The following PUM1 variants were observed in gnomAD, a reference collection of about 807,000 sequenced individuals.
PUM1 encodes pumilio RNA binding family member 1, also known as pumilio homolog 1.
Under a neutral mutation model 131.8 loss-of-function variants are expected in PUM1, and 13 were observed. The ratio of observed to expected loss-of-function variants is 0.10; its 90% CI spans 0.06 to 0.16. PUM1 has a LOEUF of 0.16. PUM1 is among the 10% of genes least tolerant of loss of function. PUM1 has a pLI of 1.00. For synonymous variants in PUM1, 509 were observed against 556.5 expected (o/e 0.91, Z 1.20); for missense variants, 961 against 1,512.4 (o/e 0.64, Z 6.05).
intron 2 of PUM1, among the ~76,000 whole-genome samples, chr1:31,037,840 G>C (rs1448839054): frequency 2.6e-5 from 4 of 152,016 alleles, no homozygotes; most frequent in African/African-American, 9.7e-5. Flanking sequence ...CACGAGGTCA[G>C]GAGATCATCT....
Position 31,059,531 on chromosome 1 carries a change from C to T in PUM1, c.36G>A (p.Val12=), listed in dbSNP as rs372921575. 1.9e-6 allele frequency: 3 copies of T among 1,613,940 alleles called. No homozygotes were observed. The highest frequency in any genetic ancestry group is 2.5e-6 in the Non-Finnish European group (3 of 1,179,968). ...GGGGGCTGAAAGAGTCCTGCCAAAG[C>T]ACTGCTTTTCTCTTCAAGACACATG... ...SVACVLKRKA[V]LWQDSFSPHL... is the part of the protein sequence containing the mutation. The change falls in exon 2 of 22, where the codon GTG becomes GTA. Residue 12 remains valine (V), a synonymous_variant. Transcript: ENST00000426105.
At chr1:30,966,999 G>C in intron 12 of PUM1, 168 bp downstream of exon 12, 1 of 728,472 alleles carries the variant, frequency 1.4e-6, no homozygotes, top group Non-Finnish European at 2.0e-6. Flanking sequence ...CAACAAAAAG[G>C]AGAATCCACT....
rs1442161105 is a variant in PUM1 at position 30,932,567 on chromosome 1, A to G, written c.*644T>C. The stretch of plus-strand genomic sequence containing the variant: ...TCTTCAGCATAATATAGTCTCCAAA[A>G]AAGGCATTTTTTAGAATTTCATAAA... On this transcript the variant is annotated 3_prime_UTR_variant, in exon 22 of 22. Transcript: ENST00000426105. The G allele has an allele frequency of 6.6e-6, 1 of 151,154 alleles. No individual in the cohort carries two copies. The highest frequency in any genetic ancestry group is 1.5e-5 in the Non-Finnish European group (1 of 67,864). 9.4% of individuals were successfully genotyped at this position (151,154 alleles called of 1,614,324 possible).
intron 2 of PUM1, among the ~76,000 whole-genome samples, chr1:31,049,124 G>GGCC (rs1191384004): frequency 2.0e-5 from 3 of 152,056 alleles, no homozygotes; most frequent in South Asian, 2.1e-4. Flanking sequence ...AGAATCACCT[G>GGCC]AACCTGGGAG....
chr1:31,034,813 C>T (rs777721572), intron 2 of PUM1, among the ~76,000 whole-genome samples: 2 of 152,038 alleles, frequency 1.3e-5, no homozygotes, highest in Non-Finnish European at 2.9e-5. Context: ...TTTTTGCATA[C>T]AGAAACCTAG....
At chr1:31,047,662 G>T (rs1182243646) in intron 2 of PUM1, among the ~76,000 whole-genome samples, 1 of 152,236 alleles carries the variant, frequency 6.6e-6, no homozygotes, top group African/African-American at 2.4e-5. Flanking sequence ...CATCCCACTG[G>T]CTGGGCATGG....
At chr1:30,948,040 G>A (rs1287226445) in intron 17 of PUM1, among the ~76,000 whole-genome samples, 1 of 151,894 alleles carries the variant, frequency 6.6e-6, no homozygotes, top group Non-Finnish European at 1.5e-5. Context: ...TAGAGATGGG[G>A]TTTCACTATG....
intron 5 of PUM1, among the ~76,000 whole-genome samples, chr1:31,000,092 T>C (rs909830863): frequency 6.6e-6 from 1 of 152,212 alleles, no homozygotes; most frequent in African/African-American, 2.4e-5. Context: ...CCTGCAAATG[T>C]TGTGAAAAGC....
chr1:31,015,466 C>T (rs1253364825), intron 3 of PUM1, among the ~76,000 whole-genome samples: 3 of 150,858 alleles, frequency 2.0e-5, no homozygotes, highest in Admixed American at 6.6e-5. Context: ...CTCAGCTTCC[C>T]GAGTAGCTGG....
chr1:30,974,718 G>A lies in PUM1; in HGVS notation c.1439C>T (p.Ala480Val). ...AGCTGAATTAGTTGCTGCAGCGGCA[G>A]CGGCAGCTTGCTGCTGGAAAAGACT... ...PASLFQQQAA[A>V]AAAATNSANQ... Residue 480 changes from alanine to valine, a missense_variant, in exon 10 of 22, where the codon GCT becomes GTT. Ala to Val is a moderately conservative substitution (Grantham distance 64). Transcript: ENST00000426105. 2 of 1,611,800 alleles carry A rather than the reference G, an allele frequency of 1.2e-6. No homozygotes were observed. Among genetic ancestry groups the A allele is most frequent in the Non-Finnish European group, 8.5e-7 (1 of 1,179,558 alleles).
intron 5 of PUM1, among the ~76,000 whole-genome samples, chr1:31,000,954 A>T (rs1642187158): frequency 6.6e-6 from 1 of 152,178 alleles, no homozygotes; most frequent in Non-Finnish European, 1.5e-5. Context: ...TGGGAGGCTG[A>T]GGCGGGCGGA....
intron 6 of PUM1, 65 bp from the exon 7 acceptor site, chr1:30,992,725 G>T: frequency 7.1e-7 from 1 of 1,417,042 alleles, no homozygotes; most frequent in Non-Finnish European, 9.7e-7. Context: ...AGCAACCCAA[G>T]TTTAAGGACA....
chr1:31,011,203 A>ACACACT (rs1642606833), intron 3 of PUM1, among the ~76,000 whole-genome samples: 2 of 149,338 alleles, frequency 1.3e-5, no homozygotes, highest in African/African-American at 4.9e-5. Context: ...ACACACACAC[A>ACACACT]CTGTGCTGTT....
intron 3 of PUM1, among the ~76,000 whole-genome samples, chr1:31,009,496 T>C (rs1297462112): frequency 6.6e-6 from 1 of 152,050 alleles, no homozygotes; most frequent in Non-Finnish European, 1.5e-5. Flanking sequence ...CCCAGCATGG[T>C]GGCTCACGCC....
intron 20 of PUM1, among the ~76,000 whole-genome samples, chr1:30,938,696 C>T (rs1237105264): frequency 6.6e-6 from 1 of 152,120 alleles, no homozygotes; most frequent in Admixed American, 6.5e-5. Flanking sequence ...AACCCTGTCT[C>T]TACTAAAAAT....
At chr1:31,023,455 C>T (rs77513534) in intron 3 of PUM1, among the ~76,000 whole-genome samples, 6,283 of 152,110 alleles carry the variant, frequency 0.041, 192 homozygotes, top group Non-Finnish European at 0.065. Flanking sequence ...ATTCAAAAGC[C>T]TCCAATTCTA....
intron 14 of PUM1, among the ~76,000 whole-genome samples, 179 bp downstream of exon 14, chr1:30,964,495 A>G (rs1286974516): frequency 2.0e-5 from 3 of 152,230 alleles, no homozygotes; most frequent in African/African-American, 7.2e-5. Flanking sequence ...ATAAAGCCAA[A>G]ACTGCTATAC....
chr1:31,009,287 T>A (rs1642509421), intron 3 of PUM1, among the ~76,000 whole-genome samples: 1 of 152,196 alleles, frequency 6.6e-6, no homozygotes, highest in Non-Finnish European at 1.5e-5. Flanking sequence ...TCCCGTATTT[T>A]GTGCAAAGCA....
intron 20 of PUM1, among the ~76,000 whole-genome samples, chr1:30,937,826 T>C (rs552917353): frequency 2.6e-5 from 4 of 152,152 alleles, no homozygotes; most frequent in African/African-American, 9.6e-5. Flanking sequence ...TGGAGTGCAA[T>C]GGCATGATCT....
Sources: gnomAD v4.1 joint callset for allele counts (sites outside exome capture counted in the v4.1 genomes callset) on GRCh38, gnomAD v4.1.1 for gene constraint, MANE v1.5 for transcripts, NCBI Gene and HGNC (gene_info 2026-07-23, HGNC 2026-07-21) for gene names.